Variants in SDK1 observed in about 807,000 individuals in gnomAD.
SDK1 encodes the protein protein sidekick-1.
A neutral mutation model predicts 245.5 loss-of-function variants in SDK1; 157 were observed. That is an observed-to-expected ratio of 0.64 (90% CI 0.56 to 0.73). The LOEUF (loss-of-function observed/expected upper bound fraction) is 0.73. Among genes scored for constraint, SDK1 ranks in the 30% least tolerant of loss-of-function variants. The pLI, the probability that SDK1 is intolerant of heterozygous loss-of-function variation, is 0.00. For missense variants in SDK1, 3,583 were observed against 3,002.3 expected, an observed-to-expected ratio of 1.19 and a Z score of -4.52; for synonymous variants, 1,647 against 1,278.5, an observed-to-expected ratio of 1.29 and a Z score of -6.15.
intron 17 of SDK1, among the ~76,000 whole-genome samples, chr7:4,038,452 A>G (rs1033329653): frequency 1.6e-4 from 24 of 152,312 alleles, no homozygotes; most frequent in Admixed American, 1.0e-3. Context: ...GCCATACACC[A>G]AGTGCCGTTA....
At chr7:3,679,265 A>C (rs207467613) in intron 4 of SDK1, among the ~76,000 whole-genome samples, 1 of 152,174 alleles carries the variant, frequency 6.6e-6, no homozygotes, top group Non-Finnish European at 1.5e-5. Context: ...AAAAATTCCT[A>C]TTAGAAAATG....
At chr7:4,095,630 T>G (rs1343830476) in intron 22 of SDK1, among the ~76,000 whole-genome samples, 1 of 152,212 alleles carries the variant, frequency 6.6e-6, no homozygotes, top group African/African-American at 2.4e-5. Flanking sequence ...TGGAGTGCAG[T>G]GGCGCGATCT....
intron 4 of SDK1, among the ~76,000 whole-genome samples, chr7:3,810,826 T>C (rs1227380345): frequency 6.6e-6 from 1 of 152,218 alleles, no homozygotes; most frequent in African/African-American, 2.4e-5. Flanking sequence ...GTTCGTGGCA[T>C]CTGGGTGGAA....
intron 22 of SDK1, among the ~76,000 whole-genome samples, chr7:4,080,374 G>A (rs1336268011): frequency 6.6e-6 from 1 of 152,180 alleles, no homozygotes; most frequent in Non-Finnish European, 1.5e-5. Context: ...TCCAATAAAA[G>A]CAGGAGGAAA....
At chr7:3,340,451 T>G (rs984096326) in intron 1 of SDK1, among the ~76,000 whole-genome samples, 7 of 152,110 alleles carry the variant, frequency 4.6e-5, no homozygotes, top group African/African-American at 1.7e-4. Flanking sequence ...ATCTTCAATT[T>G]GTAAAAAAAC....
intron 22 of SDK1, among the ~76,000 whole-genome samples, chr7:4,089,516 A>G (rs553497705): frequency 6.6e-6 from 1 of 152,152 alleles, no homozygotes; most frequent in Non-Finnish European, 1.5e-5. Flanking sequence ...CCAGGGAAGA[A>G]TGAACGGGGC....
At chr7:3,616,799 G>A (rs1038000230) in intron 1 of SDK1, among the ~76,000 whole-genome samples, 27 of 152,106 alleles carry the variant, frequency 1.8e-4, no homozygotes, top group African/African-American at 6.5e-4. Flanking sequence ...ACTAGTTTCA[G>A]TGTTAACATT....
intron 1 of SDK1, among the ~76,000 whole-genome samples, chr7:3,460,176 C>G (rs925374077): frequency 6.6e-6 from 1 of 152,110 alleles, no homozygotes. Flanking sequence ...TGGGAAAATG[C>G]TTTCTAAATT....
chr7:3,490,581 G>A (rs867438636), intron 1 of SDK1, among the ~76,000 whole-genome samples: 3 of 152,048 alleles, frequency 2.0e-5, no homozygotes, highest in South Asian at 2.1e-4. Context: ...GTGACTTCCC[G>A]CCACTTCCAT....
At chr7:4,256,733 C>T (rs1225081321) in intron 44 of SDK1, among the ~76,000 whole-genome samples, 2 of 152,184 alleles carry the variant, frequency 1.3e-5, no homozygotes, top group African/African-American at 4.8e-5. Flanking sequence ...TGGACAGAGG[C>T]AGGCTTCTGC....
rs114529259 is a variant in SDK1 at position 3,556,922 on chromosome 7, A to T, written c.299-62158A>T. On this transcript the variant is annotated intron_variant, in intron 1 of 44. Coordinates refer to ENST00000404826, the MANE Select transcript of SDK1 (RefSeq NM_152744.4). ...CCCTGATGTGATTATTACACATTGT[A>T]TGTCTGTATCACAATATCTCATGTA... Among the ~76,000 whole-genome samples, 367 of 152,318 alleles carry T rather than the reference A, an allele frequency of 2.4e-3. 4 individuals are homozygous for T. The highest frequency in any genetic ancestry group is 8.3e-3 in the African/African-American group (345 of 41,576).
intron 1 of SDK1, among the ~76,000 whole-genome samples, chr7:3,502,509 A>T (rs1782249346): frequency 6.6e-6 from 1 of 152,332 alleles, no homozygotes; most frequent in Non-Finnish European, 1.5e-5. Context: ...TTGGCCTCCC[A>T]AAGTGCTGGG....
At chr7:3,614,429 A>G (rs1294742748) in intron 1 of SDK1, among the ~76,000 whole-genome samples, 1 of 152,218 alleles carries the variant, frequency 6.6e-6, no homozygotes, top group Non-Finnish European at 1.5e-5. Flanking sequence ...TCAAAGATTA[A>G]TATGTGGGCC....
chr7:3,709,365 C>T (rs972105759), intron 4 of SDK1, among the ~76,000 whole-genome samples: 6 of 152,194 alleles, frequency 3.9e-5, no homozygotes, highest in African/African-American at 7.2e-5. Context: ...GGCATGCATG[C>T]AAGGCCCTTC....
chr7:3,793,146 T>C (rs1303595983), intron 4 of SDK1, among the ~76,000 whole-genome samples: 1 of 152,204 alleles, frequency 6.6e-6, no homozygotes, highest in Non-Finnish European at 1.5e-5. Context: ...CAAATGTCCC[T>C]TTAAAAAGTT....
chr7:3,462,985 G>C (rs1780880157), intron 1 of SDK1, among the ~76,000 whole-genome samples: 1 of 152,122 alleles, frequency 6.6e-6, no homozygotes, highest in Non-Finnish European at 1.5e-5. Context: ...TACCCCATTT[G>C]GCAGCTCCCC....
chr7:3,914,910 G>A (rs1217387551), intron 5 of SDK1, among the ~76,000 whole-genome samples: 1 of 152,232 alleles, frequency 6.6e-6, no homozygotes, highest in Non-Finnish European at 1.5e-5. Context: ...TGTGTTTGAT[G>A]TGTCTTAAGT....
At chr7:3,777,620 C>A (rs1203071712) in intron 4 of SDK1, among the ~76,000 whole-genome samples, 1 of 152,190 alleles carries the variant, frequency 6.6e-6, no homozygotes, top group Non-Finnish European at 1.5e-5. Flanking sequence ...CCCCTCTTAG[C>A]TACTGGTGTG....
intron 5 of SDK1, among the ~76,000 whole-genome samples, chr7:3,901,190 T>G (rs1247536243): frequency 6.6e-6 from 1 of 151,914 alleles, no homozygotes; most frequent in African/African-American, 2.4e-5. Context: ...TTTTTTTTCT[T>G]TTTTCTTTTT....
Sources: gnomAD v4.1 joint callset for allele counts (sites outside exome capture counted in the v4.1 genomes callset) on GRCh38, gnomAD v4.1.1 for gene constraint, MANE v1.5 for transcripts, NCBI Gene and HGNC (gene_info 2026-07-23, HGNC 2026-07-21) for gene names.